Variants in ADGRL2 observed in about 807,000 individuals in gnomAD.
ADGRL2 encodes the protein calcium-independent alpha-latrotoxin receptor 2.
In ADGRL2, 44 loss-of-function variants were observed where a neutral mutation model predicts 157.4. That is an observed-to-expected ratio of 0.28 (90% confidence interval 0.22 to 0.36). The LOEUF is 0.36. Among genes scored for constraint, ADGRL2 ranks in the 10% least tolerant of loss-of-function variants. The pLI is 1.00. For synonymous variants in ADGRL2, 585 were observed against 624.7 expected, an observed-to-expected ratio of 0.94 and a Z score of 0.95; for missense variants, 1,510 against 1,768.9, an observed-to-expected ratio of 0.85 and a Z score of 2.63.
chr1:81,439,905 A>G (rs1222348111), intron 1 of ADGRL2, among the ~76,000 whole-genome samples: 1 of 152,206 alleles, frequency 6.6e-6, no homozygotes, highest in Non-Finnish European at 1.5e-5. Flanking sequence ...AAGGATGGGG[A>G]AGGCAGAGAA....
chr1:81,408,910 T>G (rs1446821497), intron 1 of ADGRL2, among the ~76,000 whole-genome samples: 2 of 152,218 alleles, frequency 1.3e-5, no homozygotes, highest in African/African-American at 4.8e-5. Flanking sequence ...ATGTATGACT[T>G]TCTATTTCTT....
intron 2 of ADGRL2, among the ~76,000 whole-genome samples, chr1:81,553,312 G>A (rs984427594): frequency 3.3e-5 from 5 of 152,050 alleles, no homozygotes; most frequent in African/African-American, 1.2e-4. Flanking sequence ...ACATATAAGA[G>A]CAAATTTCTT....
chr1:81,452,410 A>T (rs1456529131), intron 2 of ADGRL2, among the ~76,000 whole-genome samples: 4 of 152,154 alleles, frequency 2.6e-5, no homozygotes, highest in African/African-American at 9.7e-5. Flanking sequence ...GATTTTACTG[A>T]ACACCTTTAT....
rs556623714 is a variant in ADGRL2, at chr1:81,365,158, C to T, written c.-302+58649C>T. Among the ~76,000 whole-genome samples the T allele has an allele frequency of 5.0e-4, 76 of 152,196 alleles. 1 individual carries two copies. In the South Asian group the frequency reaches 0.015, roughly 30 times the overall value. On this transcript the variant is annotated intron_variant, in intron 1 of 24. Transcript: ENST00000370721. The stretch of plus-strand genomic sequence containing the variant: ...TCAGGACATTCCATCAAAGAGGAGT[C>T]CAAATCTTAACCAAAAGTCAATTTC...
chr1:81,394,923 G>C (rs964983372), intron 1 of ADGRL2, among the ~76,000 whole-genome samples: 1 of 149,114 alleles, frequency 6.7e-6, no homozygotes, highest in Non-Finnish European at 1.5e-5. Context: ...TTATTTAGAC[G>C]AGTCTTGCTC....
intron 3 of ADGRL2, among the ~76,000 whole-genome samples, chr1:81,909,760 TAAGGA>T (rs1341530367): frequency 2.6e-5 from 4 of 152,110 alleles, no homozygotes; most frequent in South Asian, 2.1e-4. Context: ...AAGATGGTTA[TAAGGA>T]AGAGACCAGT....
intron 1 of ADGRL2, among the ~76,000 whole-genome samples, chr1:81,394,119 C>T (rs1400202273): frequency 3.3e-5 from 5 of 152,050 alleles, no homozygotes; most frequent in African/African-American, 7.2e-5. Flanking sequence ...TAGCTCTACA[C>T]TTTCTCCTAT....
At chr1:81,392,868 T>C (rs2076584018) in intron 1 of ADGRL2, among the ~76,000 whole-genome samples, 2 of 152,162 alleles carry the variant, frequency 1.3e-5, no homozygotes, top group Admixed American at 6.6e-5. Flanking sequence ...AATCTTGCTC[T>C]AATATAATCC....
chr1:81,770,765 C>T (rs1045026182), intron 2 of ADGRL2, among the ~76,000 whole-genome samples: 10 of 152,194 alleles, frequency 6.6e-5, no homozygotes, highest in African/African-American at 1.7e-4. Context: ...TGAGCCACAG[C>T]GCCCGGCCAA....
chr1:81,976,000 T>C (rs1296593934), intron 17 of ADGRL2, among the ~76,000 whole-genome samples: 1 of 152,018 alleles, frequency 6.6e-6, no homozygotes, highest in African/African-American at 2.4e-5. Flanking sequence ...AGCATTACAT[T>C]TTTTTAACAT....
At chr1:81,397,404 C>T (rs1362802767) in intron 1 of ADGRL2, among the ~76,000 whole-genome samples, 9 of 146,336 alleles carry the variant, frequency 6.2e-5, no homozygotes, top group African/African-American at 7.7e-5. Context: ...CACTGCAACT[C>T]CGCCTCCCGG....
intron 1 of ADGRL2, chr1:81,722,912 C>A: frequency 1.4e-6 from 1 of 733,050 alleles, no homozygotes; most frequent in Non-Finnish European, 2.5e-6. Flanking sequence ...CAATGAAATT[C>A]TTAGTGATCT....
chr1:81,346,819 C>G (rs967299579), intron 1 of ADGRL2, among the ~76,000 whole-genome samples: 7 of 152,170 alleles, frequency 4.6e-5, no homozygotes, highest in Non-Finnish European at 1.0e-4. Flanking sequence ...TTTGTTATGG[C>G]AGTCTTAAGT....
At chr1:81,486,839 A>T (rs1442778312) in intron 2 of ADGRL2, among the ~76,000 whole-genome samples, 1 of 152,178 alleles carries the variant, frequency 6.6e-6, no homozygotes, top group African/African-American at 2.4e-5. Context: ...TTCATCAGGT[A>T]AAAAAATAAA....
intron 2 of ADGRL2, among the ~76,000 whole-genome samples, chr1:81,512,875 A>G (rs908218821): frequency 2.6e-5 from 4 of 152,056 alleles, no homozygotes; most frequent in Admixed American, 6.6e-5. Context: ...AAAGAGTTCA[A>G]TGGAATTTAC....
At chr1:81,356,921 C>T (rs995237025) in intron 1 of ADGRL2, among the ~76,000 whole-genome samples, 18 of 100,356 alleles carry the variant, frequency 1.8e-4, no homozygotes, top group African/African-American at 6.0e-4. Flanking sequence ...CCACTGCACT[C>T]CAGCCTGGGG....
At chr1:81,468,341 A>T (rs1557711999) in intron 2 of ADGRL2, among the ~76,000 whole-genome samples, 1 of 152,186 alleles carries the variant, frequency 6.6e-6, no homozygotes. Flanking sequence ...TTAAATTCAC[A>T]TTATAAATTT....
chr1:81,829,016 A>G (rs935764300), intron 1 of ADGRL2, among the ~76,000 whole-genome samples: 2 of 151,844 alleles, frequency 1.3e-5, no homozygotes, highest in South Asian at 2.1e-4. Context: ...GGTTTAAGCA[A>G]TTCTCCTGCC....
At chr1:81,777,183 TC>T (rs1241034167) in intron 2 of ADGRL2, among the ~76,000 whole-genome samples, 2 of 152,208 alleles carry the variant, frequency 1.3e-5, no homozygotes, top group Non-Finnish European at 2.9e-5. Context: ...AGCATGGTAA[TC>T]TAAACAATTT....
Sources: allele counts gnomAD v4.1 joint callset (sites outside exome capture counted in the v4.1 genomes callset), GRCh38; gene constraint gnomAD v4.1.1; transcripts MANE v1.5; gene names NCBI Gene and HGNC (gene_info 2026-07-23, HGNC 2026-07-21).